The following AAK1 variants were observed in gnomAD, a reference collection of about 807,000 sequenced individuals.
AAK1 encodes the protein AP2 associated kinase 1.
AAK1 carries 37 observed loss-of-function variants against 116.0 expected under a neutral mutation model. That is an observed-to-expected ratio of 0.32 (90% CI 0.25 to 0.42). AAK1 has a LOEUF of 0.42. AAK1 is among the 10% of genes least tolerant of loss of function. AAK1 has a pLI of 1.00. For missense variants in AAK1, 919 were observed against 1,170.6 expected (o/e 0.79, Z 3.14); for synonymous variants, 458 against 439.9 (o/e 1.04, Z -0.51).
At chr2:69,531,101 G>C (rs1670236521) in intron 6 of AAK1, among the ~76,000 whole-genome samples, 1 of 152,188 alleles carries the variant, frequency 6.6e-6, no homozygotes, top group South Asian at 2.1e-4. Context: ...ACTGACTGTG[G>C]TACTCTGCAG....
intron 2 of AAK1, among the ~76,000 whole-genome samples, chr2:69,623,450 G>A (rs906762152): frequency 1.3e-5 from 2 of 152,086 alleles, no homozygotes; most frequent in African/African-American, 4.8e-5. Context: ...CCTTCCTCCA[G>A]ACTCAGCTCC....
Position 69,474,312 on chromosome 2 carries a change from G to A in AAK1, c.*1557C>T. ...ACTAAGAGTTTCCCTTTTGATGATG[G>A]ACAATGGCACTAGAGGAAAAGAACA... is the stretch of plus-strand genomic sequence containing the variant. On this transcript the variant is annotated 3_prime_UTR_variant, in exon 22 of 22. Transcript: ENST00000409085. 3 of 985,776 alleles carry A rather than the reference G, an allele frequency of 3.0e-6. No individual in the cohort carries two copies. Among genetic ancestry groups the A allele is most frequent in the Non-Finnish European group, 3.6e-6 (3 of 829,932 alleles). The allele number at this position is 985,776 out of a possible 1,614,324, so 61.1% of individuals were successfully genotyped here. A position where few individuals can be genotyped will look rare whatever the true frequency, so the allele number is the denominator to read the frequency against.
chr2:69,593,256 A>G (rs1309486978), intron 2 of AAK1, among the ~76,000 whole-genome samples: 30 of 152,202 alleles, frequency 2.0e-4, no homozygotes. Context: ...AAACCTAAAT[A>G]TTTAGCACTA....
At chr2:69,537,026 T>C (rs900013459) in intron 5 of AAK1, among the ~76,000 whole-genome samples, 3 of 152,202 alleles carry the variant, frequency 2.0e-5, no homozygotes, top group Non-Finnish European at 4.4e-5. Flanking sequence ...CATGGTATAA[T>C]ACAACAGAAT....
At position 69,468,333 on chromosome 2, in the gene AAK1, G is replaced by C. The variant is rs1292030861; in HGVS notation, c.*7536C>G. Reference sequence around the variant, plus strand: ...TTTCTGGGAGGAAATTCAAATAAAAGGGAGAAAAATAAGTTTTCCAAAATA... The same window carrying C: ...TTTCTGGGAGGAAATTCAAATAAAACGGAGAAAAATAAGTTTTCCAAAATA... On this transcript the variant is annotated 3_prime_UTR_variant, in exon 22 of 22. Transcript: ENST00000409085. 1 of 985,186 alleles carries C rather than the reference G, an allele frequency of 1.0e-6. No homozygotes were observed. Among genetic ancestry groups the C allele is most frequent in the Non-Finnish European group, 1.2e-6 (1 of 829,898 alleles). 61.0% of individuals were successfully genotyped at this position (985,186 alleles called of 1,614,324 possible).
intron 2 of AAK1, among the ~76,000 whole-genome samples, chr2:69,587,784 A>T (rs1345005670): frequency 6.6e-6 from 1 of 151,470 alleles, no homozygotes; most frequent in Non-Finnish European, 1.5e-5. Context: ...AATATTTTTA[A>T]ATTTTTTTGT....
rs1056986659 is a variant in AAK1 at position 69,460,596 on chromosome 2, C to T, written c.*15273G>A. ...AGAGAAAACTCAGATACAACATGAG[C>T]CTCTAAACACATACACTCTAGTCTA... On this transcript the variant is annotated 3_prime_UTR_variant, in exon 22 of 22. Transcript: ENST00000409085. 8.5e-5 allele frequency: 13 copies of T among 152,252 alleles called. No homozygotes were observed. The highest frequency in any genetic ancestry group is 2.9e-4 in the African/African-American group (12 of 41,548). 9.4% of individuals were successfully genotyped at this position (152,252 alleles called of 1,614,324 possible).
At chr2:69,577,998 G>A (rs1442634429) in intron 2 of AAK1, among the ~76,000 whole-genome samples, 2 of 152,160 alleles carry the variant, frequency 1.3e-5, no homozygotes, top group Non-Finnish European at 2.9e-5. Flanking sequence ...TGGAAGGAAG[G>A]GCCAGAGTTG....
intron 17 of AAK1, among the ~76,000 whole-genome samples, chr2:69,487,655 A>C (rs1341449354): frequency 3.3e-5 from 5 of 152,080 alleles, no homozygotes; most frequent in South Asian, 2.1e-4. Flanking sequence ...GACCAATGAA[A>C]CCCCCAAATT....
chr2:69,590,611 T>C (rs1372123627), intron 2 of AAK1, among the ~76,000 whole-genome samples: 1 of 152,272 alleles, frequency 6.6e-6, no homozygotes, highest in Non-Finnish European at 1.5e-5. Context: ...ATTCTGCATA[T>C]TGCAGATACA....
At position 69,519,023 on chromosome 2, in the gene AAK1, T is replaced by C; in HGVS notation, c.1428A>G (p.Gln476=). The stretch of plus-strand genomic sequence containing the variant: ...GCTGCTGCTGTGCTGGCGGTGGCTG[T>C]TGCTGCTGCTGTTGCTGCTTGAGGA... ...QLFLKQQQQQ[Q]QPPPAQQQPA... The change falls in exon 12 of 22, where the codon CAA becomes CAG. Residue 476 remains glutamine (Q), a synonymous_variant. Coordinates refer to ENST00000409085, the MANE Select transcript of AAK1 (RefSeq NM_014911.5). 1 of 1,550,220 alleles carries C rather than the reference T, an allele frequency of 6.5e-7. No individual in the cohort carries two copies. Among genetic ancestry groups the C allele is most frequent in the Non-Finnish European group, 8.7e-7 (1 of 1,146,496 alleles).
chr2:69,588,365 G>C (rs2105161621), intron 2 of AAK1, among the ~76,000 whole-genome samples: 1 of 152,280 alleles, frequency 6.6e-6, no homozygotes, highest in South Asian at 2.1e-4. Flanking sequence ...CTAGTTATGG[G>C]AACTTTTGCT....
chr2:69,532,280 AG>A (rs1253855254), intron 5 of AAK1, 118 bp from the exon 6 acceptor site: 18 of 1,282,818 alleles, frequency 1.4e-5, no homozygotes, highest in Non-Finnish European at 1.8e-5. Context: ...TAATGTGCAC[AG>A]GGAAGTTATT....
At chr2:69,630,338 G>C (rs980320114) in intron 2 of AAK1, among the ~76,000 whole-genome samples, 7 of 118,624 alleles carry the variant, frequency 5.9e-5, no homozygotes, top group African/African-American at 2.1e-4. Flanking sequence ...TGGGGCGGGG[G>C]GTGGGGGGGG....
chr2:69,514,398 T>C (rs1676503294), intron 13 of AAK1, 73 bp downstream of exon 13: 2 of 1,454,570 alleles, frequency 1.4e-6, no homozygotes, highest in Admixed American at 2.6e-5. Context: ...CTGCCATCTT[T>C]CCCACCCTTC....
At position 69,469,737 on chromosome 2, in the gene AAK1, C is replaced by T; in HGVS notation, c.*6132G>A. ...TATAATTCCCTCAAACTGGATCATG[C>T]CTCTTTTTATTTTGGTTTCACACAT... On this transcript the variant is annotated 3_prime_UTR_variant, in exon 22 of 22. Coordinates refer to ENST00000409085, the MANE Select transcript of AAK1 (RefSeq NM_014911.5). 1.0e-6 allele frequency: 1 copy of T among 985,416 alleles called. No individual in the cohort carries two copies. Among genetic ancestry groups the T allele is most frequent in the Non-Finnish European group, 1.2e-6 (1 of 829,936 alleles). 61.0% of individuals were successfully genotyped at this position (985,416 alleles called of 1,614,324 possible).
At chr2:69,493,851 A>C (rs545240073) in intron 17 of AAK1, among the ~76,000 whole-genome samples, 5 of 152,314 alleles carry the variant, frequency 3.3e-5, no homozygotes, top group African/African-American at 1.2e-4. Flanking sequence ...GCTGAGCACC[A>C]GCAAGTGCAA....
At chr2:69,484,788 T>C (rs547864410) in intron 17 of AAK1, among the ~76,000 whole-genome samples, 7 of 151,922 alleles carry the variant, frequency 4.6e-5, no homozygotes, top group African/African-American at 1.7e-4. Context: ...GGCAAGAGAA[T>C]TGCTTGTACT....
chr2:69,561,821 A>C (rs1232012163), intron 2 of AAK1, among the ~76,000 whole-genome samples: 1 of 152,186 alleles, frequency 6.6e-6, no homozygotes, highest in East Asian at 1.9e-4. Flanking sequence ...TGCTTGCTCT[A>C]GAATAAATGG....
Sources: allele counts gnomAD v4.1 joint callset (sites outside exome capture counted in the v4.1 genomes callset), GRCh38; gene constraint gnomAD v4.1.1; transcripts MANE v1.5; gene names NCBI Gene and HGNC (gene_info 2026-07-23, HGNC 2026-07-21).